DGKI: variants seen among roughly 807,000 people sequenced by gnomAD.
DGKI encodes DAG kinase iota.
DGKI carries 55 observed loss-of-function variants against 147.5 expected under a neutral mutation model. The observed-to-expected ratio is 0.37, with a 90% CI of 0.30 to 0.47. The LOEUF is 0.47. Ranked by LOEUF, DGKI falls within the 20% of genes least tolerant of loss-of-function variation. The probability of loss-of-function intolerance (pLI) is 1.00; values close to 1 mark genes in which losing one functional copy is unlikely to be tolerated. For missense variants in DGKI, 1,007 were observed against 1,323.8 expected (o/e 0.76, Z 3.71); for synonymous variants, 469 against 477.1 (o/e 0.98, Z 0.22).
At chr7:137,817,560 C>T (rs989722188) in intron 1 of DGKI, among the ~76,000 whole-genome samples, 7 of 152,142 alleles carry the variant, frequency 4.6e-5, no homozygotes, top group African/African-American at 1.7e-4. Flanking sequence ...CTGTTGCTGT[C>T]GAATTGTGAC....
At chr7:137,579,508 A>G (rs573670711) in intron 15 of DGKI, among the ~76,000 whole-genome samples, 1 of 152,058 alleles carries the variant, frequency 6.6e-6, no homozygotes, top group South Asian at 2.1e-4. Flanking sequence ...TAATTTTTTA[A>G]TTTACTATTT....
chr7:137,427,459 A>G (rs1270901135), intron 28 of DGKI, among the ~76,000 whole-genome samples: 6 of 152,122 alleles, frequency 3.9e-5, no homozygotes, highest in Non-Finnish European at 5.9e-5. Context: ...GAAAGATCCA[A>G]AATTGACACC....
chr7:137,397,772 T>C (rs1811605852), intron 30 of DGKI, among the ~76,000 whole-genome samples: 1 of 152,222 alleles, frequency 6.6e-6, no homozygotes, highest in Non-Finnish European at 1.5e-5. Context: ...CAATTTCTCA[T>C]TCTCAAACGA....
chr7:137,840,710 G>T (rs1432399257), intron 1 of DGKI, among the ~76,000 whole-genome samples: 1 of 152,206 alleles, frequency 6.6e-6, no homozygotes, highest in African/African-American at 2.4e-5. Context: ...ATAAGAAAAA[G>T]GCAGAGGTTT....
At chr7:137,808,376 T>C (rs1468018378) in intron 1 of DGKI, among the ~76,000 whole-genome samples, 1 of 152,228 alleles carries the variant, frequency 6.6e-6, no homozygotes, top group East Asian at 1.9e-4. Flanking sequence ...AGCCAGACAC[T>C]AGGCTAAGTG....
chr7:137,748,066 C>T (rs1051290258), intron 1 of DGKI, among the ~76,000 whole-genome samples: 1 of 152,098 alleles, frequency 6.6e-6, no homozygotes, highest in Non-Finnish European at 1.5e-5. Flanking sequence ...AATTCAGGCT[C>T]TTCTGACTCT....
chr7:137,538,429 T>C (rs1166809915), intron 20 of DGKI, among the ~76,000 whole-genome samples: 1 of 152,238 alleles, frequency 6.6e-6, no homozygotes, highest in African/African-American at 2.4e-5. Context: ...TGACAATTCA[T>C]ACTTTCTTCA....
At chr7:137,550,756 G>C (rs1229652923) in intron 20 of DGKI, among the ~76,000 whole-genome samples, 1 of 152,202 alleles carries the variant, frequency 6.6e-6, no homozygotes, top group Admixed American at 6.5e-5. Flanking sequence ...GTCTAAGACT[G>C]TGAGTTCTCT....
At chr7:137,819,521 A>G (rs1797835458) in intron 1 of DGKI, among the ~76,000 whole-genome samples, 1 of 152,010 alleles carries the variant, frequency 6.6e-6, no homozygotes, top group Admixed American at 6.6e-5. Flanking sequence ...CGTGTTAGCC[A>G]GGATGGTCTT....
intron 1 of DGKI, among the ~76,000 whole-genome samples, chr7:137,759,648 C>T (rs1443070783): frequency 6.6e-6 from 1 of 152,088 alleles, no homozygotes; most frequent in Non-Finnish European, 1.5e-5. Flanking sequence ...AGCCCTTCTA[C>T]ATTCTTATTG....
At chr7:137,716,948 T>A (rs1164241540) in intron 1 of DGKI, among the ~76,000 whole-genome samples, 1 of 152,212 alleles carries the variant, frequency 6.6e-6, no homozygotes, top group Non-Finnish European at 1.5e-5. Flanking sequence ...ATCAACATCC[T>A]TTTACTCACC....
chr7:137,812,354 TATC>T (rs796939734), intron 1 of DGKI, among the ~76,000 whole-genome samples: 1 of 152,196 alleles, frequency 6.6e-6, no homozygotes, highest in Non-Finnish European at 1.5e-5. Context: ...AAATGTTGAC[TATC>T]ATCATCATCA....
In DGKI at chr7:137,846,907, T is replaced by TC; in HGVS notation, c.-46dup. The TC allele has an allele frequency of 9.0e-7, 1 of 1,116,340 alleles. No individual in the cohort carries two copies. The highest frequency in any genetic ancestry group is 1.1e-6 in the Non-Finnish European group (1 of 912,306). 69.2% of individuals were successfully genotyped at this position (1,116,340 alleles called of 1,614,324 possible). A position where few individuals can be genotyped will look rare whatever the true frequency, so the allele number is the denominator to read the frequency against. The stretch of plus-strand genomic sequence containing the variant: ...GGGCATTGTGGGAAACTCCGCTCAC[T>TC]CCCCCGCCCCGGCCAATCAGAGGCC... On this transcript the variant is annotated 5_prime_UTR_variant, in exon 1 of 33. Transcript: ENST00000614521. This position sits in a 1 kb window ranked among gnomAD's most constrained non-coding sequence, Gnocchi z 4.0.
At chr7:137,656,402 ACCGGGCCT>A in intron 4 of DGKI, 56 bp downstream of exon 4, 3 of 1,551,116 alleles carry the variant, frequency 1.9e-6, no homozygotes, top group Non-Finnish European at 2.7e-6. Flanking sequence ...GGAAATTTAC[ACCGGGCCT>A]CTGAAGACCA....
intron 1 of DGKI, among the ~76,000 whole-genome samples, chr7:137,744,955 G>A (rs1664188254): frequency 1.3e-5 from 2 of 152,030 alleles, no homozygotes; most frequent in African/African-American, 4.8e-5. Flanking sequence ...TGCAAAAGTT[G>A]GAAGCATTCC....
rs925288396 is a variant in DGKI at position 137,717,555 on chromosome 7, G to A, written c.402-27553C>T. Among the ~76,000 whole-genome samples the A allele has an allele frequency of 3.9e-5, 6 of 152,140 alleles. No homozygotes were observed. The East Asian group carries it at 7.7e-4, about 20-fold the overall frequency. ...GTCCGTTTACAACTGAAAGCAGGTA[G>A]CACTCAGTAATGCCTACACTATATA... is the stretch of plus-strand genomic sequence containing the variant. On this transcript the variant is annotated intron_variant, in intron 1 of 32. Coordinates refer to ENST00000614521, the MANE Select transcript of DGKI (RefSeq NM_001321708.2).
chr7:137,796,255 T>C (rs1188470805), intron 1 of DGKI, among the ~76,000 whole-genome samples: 1 of 152,144 alleles, frequency 6.6e-6, no homozygotes, highest in Non-Finnish European at 1.5e-5. Flanking sequence ...CCCAGCACTT[T>C]GGGAGGCCAA....
intron 1 of DGKI, among the ~76,000 whole-genome samples, chr7:137,829,515 G>A (rs368976178): frequency 4.6e-5 from 7 of 152,136 alleles, no homozygotes; most frequent in Non-Finnish European, 7.4e-5. Context: ...TGATGAAAAC[G>A]TTCTGTAACT....
At chr7:137,796,551 G>C (rs1047447581) in intron 1 of DGKI, among the ~76,000 whole-genome samples, 1 of 151,524 alleles carries the variant, frequency 6.6e-6, no homozygotes, top group Non-Finnish European at 1.5e-5. Context: ...ATCTTGCCTA[G>C]AGAGTTAAAG....
Sources: gnomAD v4.1 joint callset for allele counts (sites outside exome capture counted in the v4.1 genomes callset) on GRCh38, gnomAD v4.1.1 for gene constraint, Gnocchi (gnomAD v3.1) non-coding constraint, MANE v1.5 for transcripts, NCBI Gene and HGNC (gene_info 2026-07-23, HGNC 2026-07-21) for gene names.